GREB1L: variants seen among roughly 807,000 people sequenced by gnomAD.
GREB1L encodes the protein GREB1-like protein.
Under a neutral mutation model 200.8 loss-of-function variants are expected in GREB1L, and 17 were observed. The ratio of observed to expected loss-of-function variants is 0.08; its 90% CI spans 0.06 to 0.13. GREB1L has a LOEUF of 0.13. Among genes scored for constraint, GREB1L ranks in the 10% least tolerant of loss-of-function variants. GREB1L has a pLI of 1.00. For synonymous variants in GREB1L, 789 were observed against 893.0 expected (o/e 0.88, Z 2.08); for missense variants, 1,657 against 2,367.7 (o/e 0.70, Z 6.23).
intron 21 of GREB1L, 144 bp downstream of exon 21, chr18:21,496,842 C>G: frequency 1.2e-6 from 1 of 844,388 alleles, no homozygotes; most frequent in Non-Finnish European, 1.8e-6. Context: ...GACCCAGCTC[C>G]AGGTGGGAGA....
chr18:21,516,646 A>C lies in GREB1L; in HGVS notation c.5163A>C (p.Arg1721Ser). The C allele has an allele frequency of 6.4e-7, 1 of 1,551,634 alleles. No homozygotes were observed. The highest frequency in any genetic ancestry group is 8.7e-7 in the Non-Finnish European group (1 of 1,146,926). ...GTGAAGATGCTGACTTTAATCTGAG[A>C]ACAAACAGTAGTGGCCTGCTCATCT... The part of the protein sequence containing the change: ...YFCEDADFNL[R>S]TNSSGLLICR... Residue 1721 changes from arginine to serine, a missense_variant, in exon 30 of 33, where the codon AGA becomes AGC. Physicochemically the swap from Arg to Ser is moderately radical, Grantham distance 110. Transcript: ENST00000424526.
At chr18:21,313,034 T>C (rs2144818711) in intron 1 of GREB1L, among the ~76,000 whole-genome samples, 1 of 152,344 alleles carries the variant, frequency 6.6e-6, no homozygotes, top group Non-Finnish European at 1.5e-5. Flanking sequence ...TACTTATAGA[T>C]GCTGGATATT....
chr18:21,308,989 C>T (rs1293073751), intron 1 of GREB1L, among the ~76,000 whole-genome samples: 6 of 152,274 alleles, frequency 3.9e-5, no homozygotes, highest in Middle Eastern at 3.4e-3. Context: ...TTTGTGCCTT[C>T]GTCTCTTTGG....
intron 1 of GREB1L, among the ~76,000 whole-genome samples, chr18:21,285,856 G>T (rs773110233): frequency 6.6e-6 from 1 of 151,822 alleles, no homozygotes; most frequent in Non-Finnish European, 1.5e-5. Context: ...ATACTTGCTT[G>T]TGGGGTAGAG....
chr18:21,379,301 G>C (rs897129226), intron 2 of GREB1L, among the ~76,000 whole-genome samples: 1 of 152,088 alleles, frequency 6.6e-6, no homozygotes, highest in Non-Finnish European at 1.5e-5. Context: ...CCGCCTCCCG[G>C]GTTCAAGCGA....
At chr18:21,497,299 A>C (rs761595059) in intron 21 of GREB1L, among the ~76,000 whole-genome samples, 1 of 152,200 alleles carries the variant, frequency 6.6e-6, no homozygotes, top group Non-Finnish European at 1.5e-5. Context: ...TAGCAAATGC[A>C]GCACTCTTTC....
At chr18:21,459,993 G>A (rs145271226) in intron 15 of GREB1L, among the ~76,000 whole-genome samples, 3 of 152,116 alleles carry the variant, frequency 2.0e-5, no homozygotes, top group Non-Finnish European at 2.9e-5. Flanking sequence ...TGCCCGCCTC[G>A]TCATACCCTG....
chr18:21,280,350 G>T (rs1358563821), intron 1 of GREB1L, among the ~76,000 whole-genome samples: 7 of 150,620 alleles, frequency 4.6e-5, no homozygotes, highest in African/African-American at 1.7e-4. Flanking sequence ...TACATTTAAG[G>T]TTCTACCATG....
chr18:21,405,339 T>A (rs1461188832), intron 7 of GREB1L, among the ~76,000 whole-genome samples: 1 of 152,222 alleles, frequency 6.6e-6, no homozygotes, highest in Non-Finnish European at 1.5e-5. Context: ...ATTTGATTGA[T>A]CCCGTGATAT....
At chr18:21,380,072 A>G (rs965538806) in intron 2 of GREB1L, among the ~76,000 whole-genome samples, 19 of 152,192 alleles carry the variant, frequency 1.2e-4, no homozygotes, top group African/African-American at 4.6e-4. Context: ...TATTACTTAT[A>G]TCAGAAAAGT....
At chr18:21,336,153 G>T (rs1218241135) in intron 1 of GREB1L, among the ~76,000 whole-genome samples, 1 of 152,028 alleles carries the variant, frequency 6.6e-6, no homozygotes, top group African/African-American at 2.4e-5. Context: ...AGATCCCACT[G>T]GAAACTGTAA....
chr18:21,368,202 A>G (rs1284101718), intron 2 of GREB1L, among the ~76,000 whole-genome samples: 3 of 152,246 alleles, frequency 2.0e-5, no homozygotes, highest in Admixed American at 6.5e-5. Flanking sequence ...GAACATACAC[A>G]TAAATGTAAG....
At chr18:21,464,509 A>G (rs1277009817) in intron 15 of GREB1L, among the ~76,000 whole-genome samples, 4 of 146,326 alleles carry the variant, frequency 2.7e-5, no homozygotes, top group African/African-American at 1.0e-4. Flanking sequence ...GCGCCACTGC[A>G]CTCTAGCCTG....
intron 16 of GREB1L, among the ~76,000 whole-genome samples, chr18:21,476,278 C>A (rs1049882173): frequency 6.6e-6 from 1 of 152,024 alleles, no homozygotes. Context: ...TTGCAAAGCT[C>A]TTTTTCAGAA....
At chr18:21,383,406 A>G (rs2040403179) in intron 2 of GREB1L, 104 bp from the exon 3 acceptor site, 1 of 813,884 alleles carries the variant, frequency 1.2e-6, no homozygotes, top group Non-Finnish European at 1.8e-6. Context: ...ACATCTTAAC[A>G]AGATATATGG....
At chr18:21,295,108 CT>C (rs977088411) in intron 1 of GREB1L, among the ~76,000 whole-genome samples, 1 of 152,176 alleles carries the variant, frequency 6.6e-6, no homozygotes, top group African/African-American at 2.4e-5. Context: ...TTGGAAATTA[CT>C]AAAAATGTCT....
In GREB1L at chr18:21,499,721, T is replaced by C; in HGVS notation, c.3392-8T>C. The C allele has an allele frequency of 6.5e-7, 1 of 1,545,702 alleles. No individual in the cohort carries two copies. Among genetic ancestry groups the C allele is most frequent in the Non-Finnish European group, 8.8e-7 (1 of 1,141,754 alleles). On this transcript the variant is annotated splice_region_variant and splice_polypyrimidine_tract_variant and intron_variant, in intron 21 of 32. Transcript: ENST00000424526. Reference sequence around the variant, plus strand: ...GCTGTGGGGTGGGTTCTGTCTGTTCTCTCACAGGTTCCATCATGGAGAATG... The same window carrying C: ...GCTGTGGGGTGGGTTCTGTCTGTTCCCTCACAGGTTCCATCATGGAGAATG...
intron 1 of GREB1L, among the ~76,000 whole-genome samples, chr18:21,279,067 A>G (rs2038222746): frequency 6.6e-6 from 1 of 152,100 alleles, no homozygotes; most frequent in South Asian, 2.1e-4. Context: ...TACCAAATCT[A>G]ATATTTATAT....
chr18:21,383,495 C>G lies in GREB1L; in HGVS notation c.-9-15C>G, dbSNP rs1277785327. 5 of 1,489,172 alleles carry G rather than the reference C, an allele frequency of 3.4e-6. No homozygotes were observed. 92.2% of individuals were successfully genotyped at this position (1,489,172 alleles called of 1,614,324 possible). On this transcript the variant is annotated splice_polypyrimidine_tract_variant and intron_variant, in intron 2 of 32. Transcript: ENST00000424526. The stretch of plus-strand genomic sequence containing the variant: ...ATCAATTTTATCCTTTCTTCTTTTT[C>G]TTGGGGATGGGTAGGTGTAGATCAT...
Sources: gnomAD v4.1 joint callset for allele counts (sites outside exome capture counted in the v4.1 genomes callset) on GRCh38, gnomAD v4.1.1 for gene constraint, MANE v1.5 for transcripts, NCBI Gene and HGNC (gene_info 2026-07-23, HGNC 2026-07-21) for gene names.